FOXP1: variants seen among roughly 807,000 people sequenced by gnomAD.
FOXP1 encodes forkhead box protein P1.
Under a neutral mutation model 98.2 loss-of-function variants are expected in FOXP1, and 15 were observed. The ratio of observed to expected loss-of-function variants is 0.15; its 90% CI spans 0.10 to 0.24. FOXP1 has a LOEUF of 0.24. Among genes scored for constraint, FOXP1 ranks in the 10% least tolerant of loss-of-function variants. FOXP1 has a pLI of 1.00. For synonymous variants in FOXP1, 371 were observed against 314.5 expected (o/e 1.18, Z -1.90); for missense variants, 633 against 848.5 (o/e 0.75, Z 3.15).
At chr3:71,053,225 T>C (rs1180052199) in intron 8 of FOXP1, among the ~76,000 whole-genome samples, 14 of 152,178 alleles carry the variant, frequency 9.2e-5, no homozygotes, top group Non-Finnish European at 1.5e-5. Context: ...GAATGCTTCT[T>C]TATGTTTAAA....
At chr3:71,215,908 G>T (rs1276453522) in intron 5 of FOXP1, among the ~76,000 whole-genome samples, 5 of 152,206 alleles carry the variant, frequency 3.3e-5, no homozygotes, top group African/African-American at 1.2e-4. Context: ...GAAATCTAAA[G>T]AAAATCTTTA....
intron 12 of FOXP1, among the ~76,000 whole-genome samples, chr3:71,010,456 T>A (rs2043425403): frequency 6.6e-6 from 1 of 152,114 alleles, no homozygotes; most frequent in Admixed American, 6.6e-5. Flanking sequence ...ATTAAATGAG[T>A]TAATATATGT....
At chr3:71,049,914 T>TG (rs892424727) in intron 9 of FOXP1, among the ~76,000 whole-genome samples, 2 of 152,114 alleles carry the variant, frequency 1.3e-5, no homozygotes, top group Non-Finnish European at 2.9e-5. Context: ...ACAAATCCAC[T>TG]GGCACCATGA....
chr3:71,568,368 A>G (rs907562689), intron 2 of FOXP1, among the ~76,000 whole-genome samples: 10 of 152,082 alleles, frequency 6.6e-5, no homozygotes, highest in African/African-American at 2.4e-4. Context: ...CTCCTGTTCT[A>G]CAGAGGAAGA....
chr3:71,338,821 G>A (rs1418927688), intron 4 of FOXP1, among the ~76,000 whole-genome samples: 1 of 152,202 alleles, frequency 6.6e-6, no homozygotes, highest in East Asian at 1.9e-4. Context: ...CACTAACAAA[G>A]GTGCATTAAT....
chr3:70,960,540 T>C (rs1350911292), intron 20 of FOXP1, among the ~76,000 whole-genome samples: 4 of 152,246 alleles, frequency 2.6e-5, no homozygotes, highest in African/African-American at 7.2e-5. Context: ...GCAGGGGCTT[T>C]TGATATGTAA....
intron 3 of FOXP1, among the ~76,000 whole-genome samples, chr3:71,389,177 T>C (rs1474973532): frequency 7.1e-6 from 1 of 141,496 alleles, no homozygotes; most frequent in Non-Finnish European, 1.5e-5. Context: ...GATTCCGATA[T>C]GGTGCAAATT....
chr3:71,553,003 A>G (rs1445044499), intron 2 of FOXP1, among the ~76,000 whole-genome samples: 7 of 152,088 alleles, frequency 4.6e-5, no homozygotes, highest in Admixed American at 4.6e-4. Flanking sequence ...TATTTTCATA[A>G]AATTGCCTAC....
At chr3:71,563,336 C>G (rs899937825) in intron 2 of FOXP1, among the ~76,000 whole-genome samples, 2 of 152,052 alleles carry the variant, frequency 1.3e-5, no homozygotes, top group African/African-American at 4.8e-5. Context: ...CATGGAGAGG[C>G]CCCCTAGGAT....
chr3:71,064,971 G>A (rs1416793203), intron 7 of FOXP1: 19 of 163,726 alleles, frequency 1.2e-4, no homozygotes, highest in African/African-American at 4.4e-4. Context: ...GACGCGCCGC[G>A]CCGCGCCCAC....
intron 3 of FOXP1, among the ~76,000 whole-genome samples, chr3:71,385,302 T>C (rs2080484082): frequency 6.6e-6 from 1 of 152,192 alleles, no homozygotes; most frequent in Non-Finnish European, 1.5e-5. Context: ...TAAAACTGTA[T>C]TATAAATCAC....
chr3:71,064,569 G>C (rs923970557), intron 7 of FOXP1, among the ~76,000 whole-genome samples: 1 of 151,856 alleles, frequency 6.6e-6, no homozygotes, highest in Non-Finnish European at 1.5e-5. Context: ...AAGGGGGGTG[G>C]GGGGGTATCT....
chr3:71,331,382 C>A (rs1291449496), intron 4 of FOXP1, among the ~76,000 whole-genome samples: 1 of 152,080 alleles, frequency 6.6e-6, no homozygotes, highest in Non-Finnish European at 1.5e-5. Flanking sequence ...CTCCCCACCC[C>A]CCGCCATGGG....
chr3:71,179,216 C>T (rs932376888), intron 6 of FOXP1, among the ~76,000 whole-genome samples: 6 of 150,806 alleles, frequency 4.0e-5, no homozygotes, highest in South Asian at 2.1e-4. Flanking sequence ...GCAACCTCCG[C>T]CTCCCGGGTT....
At chr3:70,973,835 GCCCCCCCC>G (rs56950015) in intron 17 of FOXP1, among the ~76,000 whole-genome samples, 2 of 36,692 alleles carry the variant, frequency 5.5e-5, no homozygotes, top group Admixed American at 3.7e-4. Flanking sequence ...TTTGCACACC[GCCCCCCCC>G]CCCCCACCCC....
intron 12 of FOXP1, among the ~76,000 whole-genome samples, chr3:71,014,639 T>C (rs999623851): frequency 9.2e-5 from 14 of 152,236 alleles, no homozygotes; most frequent in Non-Finnish European, 1.9e-4. Flanking sequence ...ATCCCATTAC[T>C]GGGTATATAC....
chr3:71,140,203 A>C (rs577507776), intron 6 of FOXP1, among the ~76,000 whole-genome samples: 1 of 152,338 alleles, frequency 6.6e-6, no homozygotes, highest in South Asian at 2.1e-4. Flanking sequence ...AAGATATCTT[A>C]GAGATGGGAC....
intron 3 of FOXP1, among the ~76,000 whole-genome samples, chr3:71,485,684 G>T (rs565478390): frequency 6.6e-6 from 1 of 151,500 alleles, no homozygotes; most frequent in Non-Finnish European, 1.5e-5. Context: ...CAGGAGAATC[G>T]CTTGAACCTG....
intron 19 of FOXP1, chr3:70,968,685 T>TG (rs2035511682): frequency 6.6e-6 from 1 of 152,248 alleles, no homozygotes; most frequent in Non-Finnish European, 1.5e-5. Flanking sequence ...TGGATTCTGC[T>TG]GTCCTATTTT....
Sources: gnomAD v4.1 joint callset for allele counts (sites outside exome capture counted in the v4.1 genomes callset) on GRCh38, gnomAD v4.1.1 for gene constraint, MANE v1.5 for transcripts, NCBI Gene and HGNC (gene_info 2026-07-23, HGNC 2026-07-21) for gene names.